The following NKAIN2 variants were observed in gnomAD, a reference collection of about 807,000 sequenced individuals.
The protein encoded by NKAIN2 is sodium/potassium-transporting ATPase subunit beta-1-interacting protein 2.
A neutral mutation model predicts 32.6 loss-of-function variants in NKAIN2; 14 were observed. That is an observed-to-expected ratio of 0.43 (90% CI 0.28 to 0.67). NKAIN2 has a LOEUF of 0.67. Among genes scored for constraint, NKAIN2 ranks in the 30% least tolerant of loss-of-function variants. The pLI is 0.17. For synonymous variants in NKAIN2, 80 were observed against 87.2 expected (o/e 0.92, Z 0.46); for missense variants, 198 against 258.3 (o/e 0.77, Z 1.60).
chr6:123,947,315 C>T (rs1339686494), intron 1 of NKAIN2, among the ~76,000 whole-genome samples: 2 of 152,084 alleles, frequency 1.3e-5, no homozygotes, highest in Non-Finnish European at 2.9e-5. Flanking sequence ...ACATATGTTT[C>T]CTTGTTTTTC....
At chr6:124,033,425 G>A (rs1207664649) in intron 1 of NKAIN2, among the ~76,000 whole-genome samples, 1 of 152,078 alleles carries the variant, frequency 6.6e-6, no homozygotes, top group Non-Finnish European at 1.5e-5. Flanking sequence ...CAAGTAGGGG[G>A]AAGAAAGCTA....
intron 3 of NKAIN2, among the ~76,000 whole-genome samples, chr6:124,572,660 T>C (rs891449529): frequency 6.6e-6 from 1 of 151,316 alleles, no homozygotes; most frequent in Non-Finnish European, 1.5e-5. Context: ...TATCCAATTA[T>C]ATTAGAAGGA....
Position 124,549,350 on chromosome 6 carries a change from A to G in NKAIN2, c.274-108836A>G, listed in dbSNP as rs529556913. The stretch of plus-strand genomic sequence containing the variant: ...ACCACTGCACTCCAGCCTGGGTGAC[A>G]GAGTGAGACTCCATCTCAAAATAAA... On this transcript the variant is annotated intron_variant, in intron 3 of 6. Coordinates refer to ENST00000368417, the MANE Select transcript of NKAIN2 (RefSeq NM_001040214.3). 1.5e-3 allele frequency among the ~76,000 whole-genome samples: 232 copies of G among 152,320 alleles called. 2 individuals are homozygous for G. Among genetic ancestry groups the G allele is most frequent in the Non-Finnish European group, 4.6e-4 (31 of 68,024 alleles).
At chr6:124,334,654 AG>A (rs1797795206) in intron 2 of NKAIN2, among the ~76,000 whole-genome samples, 1 of 152,114 alleles carries the variant, frequency 6.6e-6, no homozygotes, top group African/African-American at 2.4e-5. Flanking sequence ...CATGAATCTT[AG>A]GTTTTATAAT....
intron 1 of NKAIN2, among the ~76,000 whole-genome samples, chr6:124,174,420 T>G (rs1789055678): frequency 6.6e-6 from 1 of 152,150 alleles, no homozygotes; most frequent in Admixed American, 6.5e-5. Flanking sequence ...GGTCACAATC[T>G]CTACCTTGCA....
chr6:124,074,753 C>A (rs192034954), intron 1 of NKAIN2, among the ~76,000 whole-genome samples: 1 of 152,292 alleles, frequency 6.6e-6, no homozygotes, highest in Admixed American at 6.5e-5. Context: ...CAGAGTTACA[C>A]CCTCTTGGAA....
At chr6:123,919,497 G>A (rs1775648650) in intron 1 of NKAIN2, among the ~76,000 whole-genome samples, 1 of 152,088 alleles carries the variant, frequency 6.6e-6, no homozygotes, top group Non-Finnish European at 1.5e-5. Context: ...GTAATTAGCT[G>A]TTGTTTAATA....
chr6:124,752,582 G>A (rs1225526085), intron 4 of NKAIN2, among the ~76,000 whole-genome samples: 2 of 151,634 alleles, frequency 1.3e-5, no homozygotes, highest in Non-Finnish European at 2.9e-5. Context: ...TGCATGTTTG[G>A]GGAGTGTAAG....
At chr6:124,820,337 A>T (rs1289084316) in intron 6 of NKAIN2, among the ~76,000 whole-genome samples, 2 of 152,254 alleles carry the variant, frequency 1.3e-5, no homozygotes, top group Non-Finnish European at 2.9e-5. Context: ...CTTTGTTTGA[A>T]TAACTCTATT....
intron 3 of NKAIN2, among the ~76,000 whole-genome samples, chr6:124,410,674 T>G (rs1311064100): frequency 6.6e-6 from 1 of 152,190 alleles, no homozygotes; most frequent in Non-Finnish European, 1.5e-5. Flanking sequence ...TATATTCTAT[T>G]GATTTGGGGT....
chr6:123,923,974 A>G (rs1354769951), intron 1 of NKAIN2, among the ~76,000 whole-genome samples: 1 of 151,974 alleles, frequency 6.6e-6, no homozygotes, highest in Non-Finnish European at 1.5e-5. Context: ...AAAAAAATTA[A>G]AAAAAGGATT....
intron 3 of NKAIN2, among the ~76,000 whole-genome samples, chr6:124,528,150 C>A (rs928112650): frequency 6.6e-6 from 1 of 152,114 alleles, no homozygotes; most frequent in African/African-American, 2.4e-5. Context: ...ATTTAAGAGG[C>A]TATTAAGGCA....
At chr6:124,751,363 A>G (rs1255719014) in intron 4 of NKAIN2, among the ~76,000 whole-genome samples, 1 of 151,994 alleles carries the variant, frequency 6.6e-6, no homozygotes, top group Non-Finnish European at 1.5e-5. Flanking sequence ...TTGTAAAGTA[A>G]ATGCTTAAAG....
chr6:124,374,182 T>A (rs1441307262), intron 3 of NKAIN2, among the ~76,000 whole-genome samples: 1 of 152,034 alleles, frequency 6.6e-6, no homozygotes, highest in Non-Finnish European at 1.5e-5. Context: ...CTGATGTATG[T>A]AGATGCAGGC....
intron 3 of NKAIN2, among the ~76,000 whole-genome samples, chr6:124,412,516 C>T (rs1458023053): frequency 1.3e-5 from 2 of 152,130 alleles, no homozygotes; most frequent in African/African-American, 4.8e-5. Flanking sequence ...AATGCTGCTG[C>T]CTGATTGTTC....
At chr6:123,883,498 TTCTC>T (rs1294643495) in intron 1 of NKAIN2, among the ~76,000 whole-genome samples, 2 of 151,804 alleles carry the variant, frequency 1.3e-5, no homozygotes. Flanking sequence ...CGCCTCTTCC[TTCTC>T]TCTCTCTTTT....
At chr6:124,530,524 G>C (rs558960153) in intron 3 of NKAIN2, among the ~76,000 whole-genome samples, 2 of 152,226 alleles carry the variant, frequency 1.3e-5, no homozygotes, top group East Asian at 3.9e-4. Flanking sequence ...AAAAAAGTCT[G>C]CACATAAATG....
chr6:124,345,076 A>G (rs1198146663), intron 2 of NKAIN2, among the ~76,000 whole-genome samples: 2 of 152,210 alleles, frequency 1.3e-5, no homozygotes, highest in Non-Finnish European at 2.9e-5. Context: ...CCTTTTCTGC[A>G]TCTATTGAGA....
At chr6:124,281,986 T>G (rs1190284139) in intron 1 of NKAIN2, among the ~76,000 whole-genome samples, 1 of 152,198 alleles carries the variant, frequency 6.6e-6, no homozygotes, top group African/African-American at 2.4e-5. Context: ...TACAATGTTT[T>G]TCTCTGAACA....
Sources: allele counts gnomAD v4.1 joint callset (sites outside exome capture counted in the v4.1 genomes callset), GRCh38; gene constraint gnomAD v4.1.1; transcripts MANE v1.5; gene names NCBI Gene and HGNC (gene_info 2026-07-23, HGNC 2026-07-21).